The following ZNG1B variants were observed in gnomAD, a reference collection of about 807,000 sequenced individuals.
ZNG1B encodes Zn regulated GTPase metalloprotein activator 1B, also known as zinc-regulated GTPase metalloprotein activator 1B.
At chr2:113,455,762 C>T in the ZNG1B span, 9 of 373,158 alleles carry the variant, frequency 2.4e-5, no homozygotes, top group Non-Finnish European at 4.4e-5. Context: ...ACTCTGTTGC[C>T]CAGGCTGGAG....
At chr2:113,455,568 T>C in the ZNG1B span, 879 of 1,286,324 alleles carry the variant, frequency 6.8e-4, no homozygotes, top group Non-Finnish European at 7.7e-4. Flanking sequence ...GAAATACCAC[T>C]AAAGGCAGAA....
At chr2:113,477,450 C>T in the ZNG1B span, among the ~76,000 whole-genome samples, 1 of 152,152 alleles carries the variant, frequency 6.6e-6, no homozygotes, top group Non-Finnish European at 1.5e-5. Context: ...CCCGGTACCT[C>T]AGATGGAAAT....
At chr2:113,492,028 A>G in the ZNG1B span, among the ~76,000 whole-genome samples, 2 of 134,200 alleles carry the variant, frequency 1.5e-5, no homozygotes, top group Non-Finnish European at 3.2e-5. Context: ...GAACACTTCT[A>G]CACTGCTGGT....
At chr2:113,471,599 A>T in the ZNG1B span, among the ~76,000 whole-genome samples, 1 of 151,496 alleles carries the variant, frequency 6.6e-6, no homozygotes, top group Non-Finnish European at 1.5e-5. Flanking sequence ...GTCATCTAGC[A>T]TTAGTTATAT....
At chr2:113,465,325 T>C in the ZNG1B span, 43,337 of 446,818 alleles carry the variant, frequency 0.097, 2,583 homozygotes, top group Non-Finnish European at 0.13. Context: ...TGGAATGCTC[T>C]TAATAAGTTA....
chr2:113,461,304 GCTCCTGACCT>G, the ZNG1B span, among the ~76,000 whole-genome samples: 4 of 151,300 alleles, frequency 2.6e-5, no homozygotes, highest in African/African-American at 9.7e-5. Flanking sequence ...CTGGTCTCGA[GCTCCTGACCT>G]CAGGTGATCC....
chr2:113,447,932 T>C, the ZNG1B span: 1 of 431,842 alleles, frequency 2.3e-6, no homozygotes, highest in Non-Finnish European at 4.6e-6. Context: ...CTCAAAGTCA[T>C]CTGTGAGGGC....
At chr2:113,472,036 G>C in the ZNG1B span, among the ~76,000 whole-genome samples, 35,056 of 141,188 alleles carry the variant, frequency 0.25, 4,981 homozygotes, top group East Asian at 0.5. Context: ...ATTTCTAGTT[G>C]TAGATCCCTG....
chr2:113,472,015 G>A, the ZNG1B span, among the ~76,000 whole-genome samples: 17 of 151,210 alleles, frequency 1.1e-4, no homozygotes, highest in African/African-American at 3.9e-4. Context: ...GGGATGGCTG[G>A]GTCAAATGGT....
the ZNG1B span, among the ~76,000 whole-genome samples, chr2:113,444,810 C>T: frequency 0.024 from 3,695 of 151,908 alleles, 98 homozygotes; most frequent in African/African-American, 0.071. Context: ...AAATATGGGA[C>T]GGACATTTTG....
the ZNG1B span, among the ~76,000 whole-genome samples, chr2:113,446,022 T>C: frequency 6.6e-6 from 1 of 151,856 alleles, no homozygotes; most frequent in African/African-American, 2.4e-5. Flanking sequence ...TTTTGGTCCT[T>C]ATAGTAGGCA....
chr2:113,476,061 C>G, the ZNG1B span, among the ~76,000 whole-genome samples: 245 of 151,932 alleles, frequency 1.6e-3, 1 homozygote, highest in African/African-American at 5.7e-3. Context: ...GGGAAGTTCT[C>G]CTGGATAATA....
At chr2:113,459,251 A>AAG in the ZNG1B span, among the ~76,000 whole-genome samples, 1 of 151,352 alleles carries the variant, frequency 6.6e-6, no homozygotes, top group African/African-American at 2.4e-5. Flanking sequence ...ATTTTATTTC[A>AAG]GTTTTGTTTT....
At chr2:113,489,562 G>C in the ZNG1B span, among the ~76,000 whole-genome samples, 2 of 152,074 alleles carry the variant, frequency 1.3e-5, no homozygotes, top group African/African-American at 2.4e-5. Context: ...CCACTTAAAA[G>C]ATACAGAATT....
chr2:113,477,504 A>G, the ZNG1B span, among the ~76,000 whole-genome samples: 17 of 152,220 alleles, frequency 1.1e-4, no homozygotes, highest in African/African-American at 3.9e-4. Context: ...TGGGAGCTGT[A>G]GACCGGAGCT....
At chr2:113,461,616 C>CCTGTTAATA in the ZNG1B span, among the ~76,000 whole-genome samples, 1 of 151,452 alleles carries the variant, frequency 6.6e-6, no homozygotes, top group Non-Finnish European at 1.5e-5. Context: ...GTTTTACTAT[C>CCTGTTAATA]CTGTTAATAG....
the ZNG1B span, chr2:113,470,066 A>G: frequency 6.7e-6 from 1 of 149,464 alleles, no homozygotes; most frequent in South Asian, 2.1e-4. Context: ...ATCTTGGCTC[A>G]CTGCAACCTC....
chr2:113,474,402 C>T, the ZNG1B span, among the ~76,000 whole-genome samples: 152 of 149,174 alleles, frequency 1.0e-3, 1 homozygote, highest in Middle Eastern at 3.4e-3. Context: ...GTCTTGCTAG[C>T]GGTCTATCAA....
the ZNG1B span, chr2:113,470,993 C>G: frequency 5.7e-6 from 9 of 1,579,910 alleles, no homozygotes; most frequent in East Asian, 2.0e-4. Context: ...ATGTATTTCA[C>G]AGAATTTCCA....
Sources: allele counts gnomAD v4.1 joint callset (sites outside exome capture counted in the v4.1 genomes callset), GRCh38; gene constraint gnomAD v4.1.1; transcripts MANE v1.5; gene names NCBI Gene and HGNC (gene_info 2026-07-23, HGNC 2026-07-21).